The following DDAH1 variants were observed in gnomAD, a reference collection of about 807,000 sequenced individuals.
DDAH1 encodes N(G),N(G)-dimethylarginine dimethylaminohydrolase 1.
In DDAH1, 19 loss-of-function variants were observed where a neutral mutation model predicts 28.8. The observed-to-expected ratio is 0.66, with a 90% CI of 0.46 to 0.97. The LOEUF (loss-of-function observed/expected upper bound fraction) is 0.97, where lower values mean the gene tolerates loss of function less well. Among genes scored for constraint, DDAH1 ranks in the 50% least tolerant of loss-of-function variants. The pLI, the probability that DDAH1 is intolerant of heterozygous loss-of-function variation, is 0.00. For missense variants in DDAH1, 326 were observed against 375.9 expected (o/e 0.87, Z 1.10); for synonymous variants, 153 against 154.4 (o/e 0.99, Z 0.07).
chr1:85,500,393 T>C (rs1344737177), intron 1 of DDAH1, among the ~76,000 whole-genome samples: 1 of 152,028 alleles, frequency 6.6e-6, no homozygotes, highest in African/African-American at 2.4e-5. Context: ...TTAAAGGTGT[T>C]ATTCAATTCT....
At chr1:85,465,197 C>T (rs906799254), upstream of DDAH1, 3 of 1,130,922 alleles carry the variant, frequency 2.7e-6, no homozygotes, top group Non-Finnish European at 3.2e-6. Context: ...GGAGCCCTGC[C>T]CGCGCGACTG....
chr1:85,422,092 A>T (rs6697083), intron 1 of DDAH1, among the ~76,000 whole-genome samples: 93,409 of 151,920 alleles, frequency 0.61, 29,019 homozygotes, highest in African/African-American at 0.69. Context: ...TCAGTTTTTT[A>T]AAATTTTAGC....
At chr1:85,567,615 G>C (rs1253852285) in intron 1 of DDAH1, among the ~76,000 whole-genome samples, 1 of 152,252 alleles carries the variant, frequency 6.6e-6, no homozygotes, top group East Asian at 1.9e-4. Flanking sequence ...CGTGAAAACA[G>C]ACTAATTATG....
intron 1 of DDAH1, among the ~76,000 whole-genome samples, chr1:85,390,775 T>A (rs1651507134): frequency 6.6e-6 from 1 of 152,198 alleles, no homozygotes; most frequent in Non-Finnish European, 1.5e-5. Flanking sequence ...ATCCTTAATT[T>A]CTAAACATCT....
At chr1:85,443,563 G>C (rs531828571) in intron 1 of DDAH1, among the ~76,000 whole-genome samples, 25 of 152,226 alleles carry the variant, frequency 1.6e-4, no homozygotes, top group Admixed American at 7.9e-4. Context: ...ATTCTCTGAA[G>C]AAAGTCATTG....
intron 4 of DDAH1, among the ~76,000 whole-genome samples, chr1:85,346,302 G>A (rs1306108743): frequency 6.6e-6 from 1 of 152,156 alleles, no homozygotes; most frequent in Admixed American, 6.5e-5. Context: ...GGAAAGAACT[G>A]AGACATCAAG....
chr1:85,417,722 T>A (rs1328679471), intron 1 of DDAH1, among the ~76,000 whole-genome samples: 5 of 152,168 alleles, frequency 3.3e-5, no homozygotes, highest in Admixed American at 3.3e-4. Flanking sequence ...AATAAAATAA[T>A]CTCTGTCCTC....
chr1:85,534,991 G>A (rs1359860661), intron 1 of DDAH1, among the ~76,000 whole-genome samples: 5 of 152,104 alleles, frequency 3.3e-5, no homozygotes, highest in South Asian at 2.1e-4. Flanking sequence ...AGGAGGTGGC[G>A]TGGGAGTGGA....
intron 1 of DDAH1, among the ~76,000 whole-genome samples, chr1:85,526,233 G>C (rs1282363977): frequency 6.6e-6 from 1 of 152,156 alleles, no homozygotes; most frequent in Non-Finnish European, 1.5e-5. Context: ...AGAGAGACGA[G>C]GAGAGAAAAA....
intron 4 of DDAH1, among the ~76,000 whole-genome samples, chr1:85,335,379 A>AT (rs1463246098): frequency 3.3e-5 from 5 of 152,186 alleles, no homozygotes; most frequent in African/African-American, 4.8e-5. Flanking sequence ...TTATTAAAAA[A>AT]TATTTTTTTA....
chr1:85,347,958 A>G (rs1042133046), intron 4 of DDAH1, among the ~76,000 whole-genome samples: 3 of 152,126 alleles, frequency 2.0e-5, no homozygotes, highest in African/African-American at 7.2e-5. Context: ...TTTTCACTAC[A>G]AGGTAACATG....
chr1:85,390,821 C>T (rs74957053), intron 1 of DDAH1, among the ~76,000 whole-genome samples: 3,694 of 152,252 alleles, frequency 0.024, 86 homozygotes, highest in Non-Finnish European at 0.04. Flanking sequence ...GCCTTTTTCA[C>T]GTACAGAATT....
chr1:85,511,306 A>C (rs1212340017), intron 1 of DDAH1, among the ~76,000 whole-genome samples: 1 of 152,226 alleles, frequency 6.6e-6, no homozygotes, highest in Non-Finnish European at 1.5e-5. Context: ...AACCAATGAG[A>C]ACAAAGACAC....
chr1:85,500,163 C>CA (rs1656768663), intron 1 of DDAH1, among the ~76,000 whole-genome samples: 1 of 50,096 alleles, frequency 2.0e-5, no homozygotes, highest in Non-Finnish European at 5.2e-5. Flanking sequence ...TTCTTTCTTT[C>CA]TCTTTTTTCC....
chr1:85,327,100 T>C (rs1647453093), intron 4 of DDAH1, among the ~76,000 whole-genome samples: 1 of 152,230 alleles, frequency 6.6e-6, no homozygotes, highest in South Asian at 2.1e-4. Flanking sequence ...CATTTATTAT[T>C]GTGTGCAAGG....
At chr1:85,495,491 C>G (rs979765894) in intron 2 of DDAH1, 5 of 152,270 alleles carry the variant, frequency 3.3e-5, no homozygotes, top group Middle Eastern at 3.4e-3. Context: ...GGGTAACAGT[C>G]CCATAGAGAG....
intron 1 of DDAH1, among the ~76,000 whole-genome samples, chr1:85,405,935 T>G (rs2037594): frequency 0.79 from 119,493 of 152,150 alleles, 47,192 homozygotes; most frequent in Middle Eastern, 0.87. Flanking sequence ...CTTAAAGAGG[T>G]TTGGTTGTAT....
intron 1 of DDAH1, among the ~76,000 whole-genome samples, chr1:85,462,951 A>G (rs1168560503): frequency 6.6e-6 from 1 of 152,270 alleles, no homozygotes; most frequent in Non-Finnish European, 1.5e-5. Context: ...AACATTCATC[A>G]AATGTCCTGT....
chr1:85,507,527 T>TAAACAAAC (rs139094334), intron 1 of DDAH1, among the ~76,000 whole-genome samples: 39 of 149,202 alleles, frequency 2.6e-4, no homozygotes, highest in African/African-American at 3.9e-4. Flanking sequence ...AATAAATAAA[T>TAAACAAAC]AAACAAACAA....
Sources: gnomAD v4.1 joint callset for allele counts (sites outside exome capture counted in the v4.1 genomes callset) on GRCh38, gnomAD v4.1.1 for gene constraint, MANE v1.5 for transcripts, NCBI Gene and HGNC (gene_info 2026-07-23, HGNC 2026-07-21) for gene names.